Variants in CHN2 observed in about 807,000 individuals in gnomAD.
The protein encoded by CHN2 is chimerin 2.
Under a neutral mutation model 56.3 loss-of-function variants are expected in CHN2, and 35 were observed. The observed-to-expected ratio is 0.62, with a 90% confidence interval of 0.47 to 0.82. The LOEUF is 0.82. CHN2 is among the 40% of genes least tolerant of loss of function. The probability of loss-of-function intolerance (pLI) is 0.00; values close to 1 mark genes in which losing one functional copy is unlikely to be tolerated. For synonymous variants in CHN2, 210 were observed against 212.8 expected, an observed-to-expected ratio of 0.99 and a Z score of 0.12; for missense variants, 491 against 580.5, an observed-to-expected ratio of 0.85 and a Z score of 1.58.
At chr7:29,321,570 CT>C (rs59651474) in intron 1 of CHN2, among the ~76,000 whole-genome samples, 30,665 of 127,908 alleles carry the variant, frequency 0.24, 3,032 homozygotes, top group Middle Eastern at 0.36. Flanking sequence ...TTCTTTCTTT[CT>C]TTTTTTTTTT....
At chr7:29,212,301 A>G (rs993721530) in intron 1 of CHN2, 28 of 1,200,292 alleles carry the variant, frequency 2.3e-5, no homozygotes, top group East Asian at 4.7e-5. Flanking sequence ...CAATACTAAC[A>G]TGAGTGTGGA....
intron 1 of CHN2, among the ~76,000 whole-genome samples, chr7:29,294,979 T>C (rs1792999916): frequency 6.6e-6 from 1 of 152,140 alleles, no homozygotes; most frequent in African/African-American, 2.4e-5. Flanking sequence ...CTTTGCAGGA[T>C]TGGTTCCCTG....
intron 1 of CHN2, among the ~76,000 whole-genome samples, chr7:29,278,910 G>C (rs1044332581): frequency 2.6e-5 from 4 of 152,106 alleles, no homozygotes; most frequent in African/African-American, 7.2e-5. Context: ...TGATAAAGAA[G>C]ACTGCCCTTC....
intron 6 of CHN2, among the ~76,000 whole-genome samples, chr7:29,475,137 G>A (rs755775090): frequency 4.6e-5 from 7 of 151,836 alleles, no homozygotes; most frequent in Non-Finnish European, 8.8e-5. Flanking sequence ...TTGCCTTCTC[G>A]TTACTTGATT....
chr7:29,289,488 G>C (rs923600671), intron 1 of CHN2, among the ~76,000 whole-genome samples: 1 of 152,130 alleles, frequency 6.6e-6, no homozygotes, highest in African/African-American at 2.4e-5. Context: ...GTAAGCCGAC[G>C]GGAGAGGGAG....
intron 1 of CHN2, among the ~76,000 whole-genome samples, chr7:29,224,368 T>C (rs998889555): frequency 6.6e-6 from 1 of 152,208 alleles, no homozygotes; most frequent in African/African-American, 2.4e-5. Flanking sequence ...TTTAGTTAAG[T>C]TATATTCATA....
chr7:29,350,463 AG>A (rs1797797366), intron 1 of CHN2, among the ~76,000 whole-genome samples: 1 of 152,198 alleles, frequency 6.6e-6, no homozygotes, highest in East Asian at 1.9e-4. Context: ...GCCTCCTGAC[AG>A]TGTGCTTTAG....
chr7:29,499,897 C>G lies in CHN2; in HGVS notation c.770C>G (p.Ser257Cys). ...GGATTGAACGTACACAAACAGTGTT[C>G]CAAGCACGTTCCCAATGACTGCCAA... ...DCGLNVHKQC[S>C]KHVPNDCQPD... The change falls in exon 9 of 13, where the codon TCC (serine) becomes TGC (cysteine). Residue 257 changes from serine (S) to cysteine (C), a missense_variant. Coordinates refer to ENST00000222792, the MANE Select transcript of CHN2 (RefSeq NM_004067.4). 2 of 1,608,448 alleles carry G rather than the reference C, an allele frequency of 1.2e-6. No homozygotes were observed. Among genetic ancestry groups the G allele is most frequent in the Non-Finnish European group, 1.7e-6 (2 of 1,178,034 alleles).
intron 6 of CHN2, among the ~76,000 whole-genome samples, chr7:29,417,894 A>G (rs1803935390): frequency 6.6e-6 from 1 of 152,146 alleles, no homozygotes; most frequent in South Asian, 2.1e-4. Flanking sequence ...TGTGCTTCAG[A>G]GCTTCATAGT....
chr7:29,416,627 T>C (rs966255729), intron 6 of CHN2, among the ~76,000 whole-genome samples: 4 of 152,200 alleles, frequency 2.6e-5, no homozygotes, highest in African/African-American at 4.8e-5. Flanking sequence ...AGACAGCCGA[T>C]GTTGCTGGTC....
intron 11 of CHN2, among the ~76,000 whole-genome samples, chr7:29,507,632 A>T (rs565670963): frequency 6.6e-6 from 1 of 152,152 alleles, no homozygotes; most frequent in African/African-American, 2.4e-5. Flanking sequence ...CAGGCCTATT[A>T]TATGTTGAAA....
intron 1 of CHN2, among the ~76,000 whole-genome samples, chr7:29,292,660 G>C (rs553424571): frequency 6.6e-6 from 1 of 152,316 alleles, no homozygotes; most frequent in Admixed American, 6.5e-5. Context: ...CTGGATCGTT[G>C]TCAGTAAAAG....
At chr7:29,291,867 T>C (rs1792657338) in intron 1 of CHN2, among the ~76,000 whole-genome samples, 1 of 152,192 alleles carries the variant, frequency 6.6e-6, no homozygotes, top group Admixed American at 6.5e-5. Flanking sequence ...GCACCGAATG[T>C]TTTCCACACT....
intron 1 of CHN2, among the ~76,000 whole-genome samples, chr7:29,337,568 A>G (rs1235354575): frequency 6.6e-6 from 1 of 152,098 alleles, no homozygotes; most frequent in Non-Finnish European, 1.5e-5. Context: ...TGTTTGCCTT[A>G]CTCTTAACCC....
intron 3 of CHN2, among the ~76,000 whole-genome samples, chr7:29,383,737 G>C (rs1316054522): frequency 6.6e-6 from 1 of 152,174 alleles, no homozygotes; most frequent in Non-Finnish European, 1.5e-5. Flanking sequence ...TAAGGAGGGT[G>C]GTCTGGGAAG....
chr7:29,388,321 T>A (rs1801092576), intron 3 of CHN2, among the ~76,000 whole-genome samples: 1 of 152,158 alleles, frequency 6.6e-6, no homozygotes. Flanking sequence ...TATGGTGAGA[T>A]AAGTTTTCTA....
At chr7:29,184,380 A>T (rs1235044771) in intron 2 of CHN2, 1 of 152,046 alleles carries the variant, frequency 6.6e-6, no homozygotes, top group Non-Finnish European at 1.5e-5. Flanking sequence ...ACTGTATGAG[A>T]TATACAGATA....
At chr7:29,307,085 G>A (rs562893638) in intron 1 of CHN2, among the ~76,000 whole-genome samples, 5 of 152,260 alleles carry the variant, frequency 3.3e-5, no homozygotes, top group Non-Finnish European at 4.4e-5. Context: ...ATCAGTGTTC[G>A]CTGATTCGCC....
At chr7:29,357,496 T>A (rs1798399899) in intron 2 of CHN2, among the ~76,000 whole-genome samples, 1 of 152,240 alleles carries the variant, frequency 6.6e-6, no homozygotes, top group East Asian at 1.9e-4. Flanking sequence ...TCCATTTGTT[T>A]AATCTTTCAG....
Sources: gnomAD v4.1 joint callset for allele counts (sites outside exome capture counted in the v4.1 genomes callset) on GRCh38, gnomAD v4.1.1 for gene constraint, MANE v1.5 for transcripts, NCBI Gene and HGNC (gene_info 2026-07-23, HGNC 2026-07-21) for gene names.